The following CTNNA3 variants were observed in gnomAD, a reference collection of about 807,000 sequenced individuals.
CTNNA3 encodes catenin alpha 3, also known as catenin alpha-3.
In CTNNA3, 76 loss-of-function variants were observed where a neutral mutation model predicts 95.7. The ratio of observed to expected loss-of-function variants is 0.79; its 90% confidence interval spans 0.66 to 0.96. CTNNA3 has a LOEUF of 0.96. Ranked by LOEUF, CTNNA3 falls within the 40% of genes least tolerant of loss-of-function variation. The probability of loss-of-function intolerance (pLI) is 0.00; values close to 1 mark genes in which losing one functional copy is unlikely to be tolerated. For missense variants in CTNNA3, 1,191 were observed against 1,089.8 expected, an observed-to-expected ratio of 1.09 and a Z score of -1.31; for synonymous variants, 431 against 374.4, an observed-to-expected ratio of 1.15 and a Z score of -1.74.
At position 66,009,929 on chromosome 10, in the gene CTNNA3, T is replaced by C. The variant is rs183983336; in HGVS notation, c.2160-21132A>G. On this transcript the variant is annotated intron_variant, in intron 15 of 17. Coordinates refer to ENST00000433211, the MANE Select transcript of CTNNA3 (RefSeq NM_013266.4). ...AGAGATGAATTAATCAATTCCTTTA[T>C]CTGAGTTGCAAATAAGCTTCATGGT... Among the ~76,000 whole-genome samples, 712 of 152,358 alleles carry C rather than the reference T, an allele frequency of 4.7e-3. 4 individuals are homozygous for C. Among genetic ancestry groups the C allele is most frequent in the Non-Finnish European group, 6.9e-3 (471 of 68,034 alleles).
chr10:67,436,142 C>T (rs970778423), intron 5 of CTNNA3, among the ~76,000 whole-genome samples: 2 of 152,050 alleles, frequency 1.3e-5, no homozygotes, highest in Non-Finnish European at 2.9e-5. Context: ...ACTAATGGAA[C>T]AGAATAGAGA....
intron 7 of CTNNA3, among the ~76,000 whole-genome samples, chr10:66,936,656 G>A (rs1341984676): frequency 6.6e-6 from 1 of 152,102 alleles, no homozygotes; most frequent in African/African-American, 2.4e-5. Flanking sequence ...GAACTCTACA[G>A]CGCAATCTAG....
chr10:66,368,680 C>T (rs922378338), intron 12 of CTNNA3, among the ~76,000 whole-genome samples: 6 of 151,946 alleles, frequency 3.9e-5, no homozygotes, highest in Non-Finnish European at 5.9e-5. Context: ...ACACTAATAC[C>T]GATTTACCAA....
At chr10:66,567,237 G>A (rs1007485414) in intron 10 of CTNNA3, among the ~76,000 whole-genome samples, 4 of 152,096 alleles carry the variant, frequency 2.6e-5, no homozygotes, top group Non-Finnish European at 5.9e-5. Context: ...CAATGACAGA[G>A]GATGGCATGG....
At position 65,916,643 on chromosome 10, in the gene CTNNA3, ACT is replaced by A. The variant is rs778063073; in HGVS notation, c.*3685_*3686del. On this transcript the variant is annotated 3_prime_UTR_variant, in exon 18 of 18. Coordinates refer to ENST00000433211, the MANE Select transcript of CTNNA3 (RefSeq NM_013266.4). ...ATTAAAATTCATAATTTTGACTAAA[ACT>A]CTGTAAAATTTATTAGTCAATTTAT... 2 of 152,106 alleles carry A rather than the reference ACT, an allele frequency of 1.3e-5. No homozygotes were observed. The highest frequency in any genetic ancestry group is 1.5e-5 in the Non-Finnish European group (1 of 68,022). The allele number at this position is 152,106 out of a possible 1,614,324, so 9.4% of individuals were successfully genotyped here.
At chr10:67,104,611 T>G (rs530792631) in intron 7 of CTNNA3, among the ~76,000 whole-genome samples, 5 of 152,062 alleles carry the variant, frequency 3.3e-5, no homozygotes, top group African/African-American at 1.2e-4. Flanking sequence ...CTCAGGAGCT[T>G]TTTATTAAAC....
intron 11 of CTNNA3, among the ~76,000 whole-genome samples, chr10:66,412,586 A>G (rs1359160926): frequency 2.6e-5 from 4 of 151,562 alleles, no homozygotes; most frequent in Admixed American, 1.3e-4. Context: ...CAGCCTCCCA[A>G]GTAGCTGGGA....
intron 15 of CTNNA3, among the ~76,000 whole-genome samples, chr10:66,043,206 A>C (rs2079743840): frequency 6.6e-6 from 1 of 151,438 alleles, no homozygotes; most frequent in Non-Finnish European, 1.5e-5. Flanking sequence ...TAAATGATTT[A>C]ATGGCAATGC....
intron 5 of CTNNA3, among the ~76,000 whole-genome samples, chr10:67,399,974 T>C (rs1472010721): frequency 6.6e-6 from 1 of 152,084 alleles, no homozygotes; most frequent in African/African-American, 2.4e-5. Context: ...AACATGCAGG[T>C]TTGTTACATA....
At chr10:67,210,573 C>CT (rs1321478002) in intron 6 of CTNNA3, among the ~76,000 whole-genome samples, 1 of 152,072 alleles carries the variant, frequency 6.6e-6, no homozygotes, top group Non-Finnish European at 1.5e-5. Context: ...ATCCCACATA[C>CT]TTTTTTGTGG....
At chr10:66,448,902 T>G (rs930770819) in intron 11 of CTNNA3, among the ~76,000 whole-genome samples, 65 of 152,216 alleles carry the variant, frequency 4.3e-4, no homozygotes, top group African/African-American at 1.6e-3. Flanking sequence ...TCATTTAATC[T>G]GCTTTTATAT....
intron 13 of CTNNA3, among the ~76,000 whole-genome samples, chr10:66,225,086 T>A (rs12776976): frequency 0.12 from 17,735 of 151,910 alleles, 1,118 homozygotes; most frequent in African/African-American, 0.16. Context: ...ATACATTGAC[T>A]TATTCTTAAC....
At chr10:67,438,063 A>G (rs1424378828) in intron 5 of CTNNA3, among the ~76,000 whole-genome samples, 1 of 152,172 alleles carries the variant, frequency 6.6e-6, no homozygotes, top group East Asian at 1.9e-4. Context: ...CATTTGAAAG[A>G]GCAACAAATA....
chr10:66,715,585 T>C (rs1564635599), intron 9 of CTNNA3, among the ~76,000 whole-genome samples: 2 of 152,180 alleles, frequency 1.3e-5, no homozygotes, highest in Non-Finnish European at 2.9e-5. Context: ...AAATGAAAAG[T>C]ATTATGTAAG....
At chr10:67,313,347 G>T (rs1840895849) in intron 5 of CTNNA3, among the ~76,000 whole-genome samples, 1 of 151,794 alleles carries the variant, frequency 6.6e-6, no homozygotes, top group Non-Finnish European at 1.5e-5. Flanking sequence ...CAGGAGAATG[G>T]CATGAACCCG....
At chr10:67,182,149 C>A (rs1192367021) in intron 6 of CTNNA3, among the ~76,000 whole-genome samples, 2 of 152,194 alleles carry the variant, frequency 1.3e-5, no homozygotes. Flanking sequence ...CCATCCCCAT[C>A]AAGCTACCAA....
intron 9 of CTNNA3, among the ~76,000 whole-genome samples, chr10:66,679,600 G>A (rs4746625): frequency 0.55 from 84,205 of 151,934 alleles, 24,083 homozygotes; most frequent in African/African-American, 0.68. Context: ...CACTCCAATA[G>A]ATTTGATTTT....
chr10:66,139,245 C>T (rs1019038080), intron 13 of CTNNA3, among the ~76,000 whole-genome samples: 1 of 152,148 alleles, frequency 6.6e-6, no homozygotes, highest in South Asian at 2.1e-4. Context: ...AGCACAATTT[C>T]CATTTATTCA....
At chr10:66,140,426 A>G (rs947369206) in intron 13 of CTNNA3, among the ~76,000 whole-genome samples, 6 of 152,208 alleles carry the variant, frequency 3.9e-5, no homozygotes, top group Admixed American at 3.3e-4. Context: ...CGAGCAAAGT[A>G]GAGAAAAAAT....
Sources: gnomAD v4.1 joint callset for allele counts (sites outside exome capture counted in the v4.1 genomes callset) on GRCh38, gnomAD v4.1.1 for gene constraint, MANE v1.5 for transcripts, NCBI Gene and HGNC (gene_info 2026-07-23, HGNC 2026-07-21) for gene names.